The following CHMP1A variants were observed in gnomAD, a reference collection of about 807,000 sequenced individuals.
The protein encoded by CHMP1A is charged multivesicular body protein 1A, also known as VPS46 homolog A.
CHMP1A carries 17 observed loss-of-function variants against 27.0 expected under a neutral mutation model. That is an observed-to-expected ratio of 0.63 (90% confidence interval 0.43 to 0.95). The LOEUF is 0.95. Ranked by LOEUF, CHMP1A falls within the 40% of genes least tolerant of loss-of-function variation. The pLI, the probability that CHMP1A is intolerant of heterozygous loss-of-function variation, is 0.00. For missense variants in CHMP1A, 275 were observed against 264.0 expected (o/e 1.04, Z -0.29); for synonymous variants, 131 against 107.5 (o/e 1.22, Z -1.35).
At chr16:89,647,598 C>T (rs1335527941) in intron 4 of CHMP1A, among the ~76,000 whole-genome samples, 1 of 135,234 alleles carries the variant, frequency 7.4e-6, no homozygotes, top group African/African-American at 2.8e-5. Context: ...AAAAGGCCGC[C>T]GACGTGGAGA....
Position 89,645,872 on chromosome 16 carries a change from G to A in CHMP1A, c.*194C>T, listed in dbSNP as rs762330242. 3.8e-6 allele frequency: 6 copies of A among 1,564,594 alleles called. No homozygotes were observed. The highest frequency in any genetic ancestry group is 1.9e-5 in the Admixed American group (1 of 52,234). On this transcript the variant is annotated 3_prime_UTR_variant, in exon 7 of 7. Transcript: ENST00000397901. ...AGAAATTTGCAGAAACTCAACACCAGGACACAGACCCACCGCCCAACCTAA... is the reference window on the plus strand; with the variant it reads ...AGAAATTTGCAGAAACTCAACACCAAGACACAGACCCACCGCCCAACCTAA...
At chr16:89,653,970 G>A (rs759364358) in intron 1 of CHMP1A, 47 bp from the exon 2 acceptor site, 53 of 1,599,302 alleles carry the variant, frequency 3.3e-5, no homozygotes, top group Admixed American at 5.0e-5. Context: ...GGAATGGGAC[G>A]TTACACTTCT....
intron 1 of CHMP1A, among the ~76,000 whole-genome samples, chr16:89,655,348 A>C (rs1392403908): frequency 1.5e-5 from 2 of 134,398 alleles, no homozygotes; most frequent in African/African-American, 5.9e-5. Context: ...GATGCTGGCC[A>C]AACCGCCCTC....
chr16:89,649,339 C>A lies in CHMP1A; in HGVS notation c.252+12G>T. 1 of 1,609,692 alleles carries A rather than the reference C, an allele frequency of 6.2e-7. No individual in the cohort carries two copies. The highest frequency in any genetic ancestry group is 8.5e-7 in the Non-Finnish European group (1 of 1,176,610). Reference sequence around the variant, plus strand: ...GAACGCCACCCATCCAGCACCAGGGCCCAGCACTCACCCCCTTCATAGTCA... The same window carrying A: ...GAACGCCACCCATCCAGCACCAGGGACCAGCACTCACCCCCTTCATAGTCA... On this transcript the variant is annotated intron_variant, in intron 4 of 6. Transcript: ENST00000397901.
At chr16:89,655,363 TCTCAGCTTTCCCTCAC>T (rs55726612) in intron 1 of CHMP1A, among the ~76,000 whole-genome samples, 60,363 of 120,218 alleles carry the variant, frequency 0.5, 16,046 homozygotes, top group Middle Eastern at 0.72. Context: ...GCCCTCCTCA[TCTCAGCTTTCCCTCAC>T]CTCAGCTTTC....
At position 89,646,650 on chromosome 16, in the gene CHMP1A, A is replaced by C; in HGVS notation, c.446T>G (p.Leu149Arg). The C allele has an allele frequency of 1.2e-6, 2 of 1,610,746 alleles. No homozygotes were observed. The highest frequency in any genetic ancestry group is 2.2e-5 in the South Asian group (2 of 90,320). Residue 149 changes from leucine (L) to arginine (R), a missense_variant, in exon 6 of 7, where the codon CTC becomes CGC. By Grantham distance (102) the Leu-to-Arg change is moderately radical. Coordinates refer to ENST00000397901, the MANE Select transcript of CHMP1A (RefSeq NM_002768.5). The stretch of plus-strand genomic sequence containing the variant: ...ATTCTCCTCGGCGATCTGCATGATG[A>C]GGCTGTCCACCTGCTCCTGCGGCGT... ...LTTPQEQVDS[L>R]IMQIAEENGL...
chr16:89,650,674 C>T (rs1433078805), intron 3 of CHMP1A, among the ~76,000 whole-genome samples: 2 of 151,926 alleles, frequency 1.3e-5, no homozygotes, highest in Non-Finnish European at 2.9e-5. Flanking sequence ...GGTGTGGTGG[C>T]GCATGCTTGT....
intron 4 of CHMP1A, among the ~76,000 whole-genome samples, chr16:89,648,521 C>T (rs1242581028): frequency 6.6e-6 from 1 of 152,222 alleles, no homozygotes; most frequent in Non-Finnish European, 1.5e-5. Context: ...CAAGGCTCTG[C>T]TGTGACGTCC....
intron 2 of CHMP1A, among the ~76,000 whole-genome samples, chr16:89,653,342 C>T (rs1362746174): frequency 6.7e-6 from 1 of 148,338 alleles, no homozygotes; most frequent in East Asian, 2.1e-4. Context: ...CACTCCGGGC[C>T]AGGCACAGTG....
chr16:89,649,287 G>A (rs544629475), intron 4 of CHMP1A, 64 bp downstream of exon 4: 397 of 1,527,128 alleles, frequency 2.6e-4, no homozygotes, highest in African/African-American at 1.3e-3. Context: ...GATCCAGACC[G>A]CAGAGCCCAT....
At chr16:89,649,294 C>G (rs868006488) in intron 4 of CHMP1A, 57 bp downstream of exon 4, 1 of 1,593,036 alleles carries the variant, frequency 6.3e-7, no homozygotes, top group South Asian at 1.1e-5. Context: ...ACCGCAGAGC[C>G]CATTCCTGCT....
chr16:89,653,876 C>G (rs557013909), intron 2 of CHMP1A, 28 bp downstream of exon 2: 1 of 1,611,046 alleles, frequency 6.2e-7, no homozygotes, highest in South Asian at 1.1e-5. Context: ...CAGAACAGGG[C>G]TGGGGTGAAC....
At chr16:89,648,918 G>T (rs1312006250) in intron 4 of CHMP1A, among the ~76,000 whole-genome samples, 2 of 151,598 alleles carry the variant, frequency 1.3e-5, no homozygotes, top group African/African-American at 4.8e-5. Flanking sequence ...TCAGCTACTT[G>T]CGAGGCTGAG....
At chr16:89,654,499 C>G (rs1403970530) in intron 1 of CHMP1A, among the ~76,000 whole-genome samples, 3 of 152,088 alleles carry the variant, frequency 2.0e-5, no homozygotes, top group African/African-American at 7.2e-5. Flanking sequence ...GGTGGTAACT[C>G]TTAGACATCA....
Position 89,647,233 on chromosome 16 carries a change from C to G in CHMP1A, c.351G>C (p.Gln117His). Reference protein sequence around the residue: ...KVSSVMDRFEQQVQNLDVHTS... With the variant: ...KVSSVMDRFEHQVQNLDVHTS... Reference sequence around the variant, plus strand: ...TATGGACGTCCAGGTTCTGCACCTGCTGCTCGAACCTGTCCATCACTGAGG... The same window carrying G: ...TATGGACGTCCAGGTTCTGCACCTGGTGCTCGAACCTGTCCATCACTGAGG... The change falls in exon 5 of 7, where the codon CAG becomes CAC. Residue 117 changes from glutamine to histidine, a missense_variant. Gln to His is a conservative substitution (Grantham distance 24). Transcript: ENST00000397901. 6.2e-7 allele frequency: 1 copy of G among 1,609,096 alleles called. No homozygotes were observed. Among genetic ancestry groups the G allele is most frequent in the South Asian group, 1.1e-5 (1 of 89,958 alleles).
rs758430703 is a variant in CHMP1A at position 89,647,345 on chromosome 16, G to A, written c.253-14C>T. 2 of 1,601,262 alleles carry A rather than the reference G, an allele frequency of 1.2e-6. No homozygotes were observed. Among genetic ancestry groups the A allele is most frequent in the African/African-American group, 2.7e-5 (2 of 74,690 alleles). On this transcript the variant is annotated splice_polypyrimidine_tract_variant and intron_variant, in intron 4 of 6. Coordinates refer to ENST00000397901, the MANE Select transcript of CHMP1A (RefSeq NM_002768.5). ...ATTCTTGGTCACCTGAGACAGGAGAGAGCGCAGGAGGGAACAGGATGAAAG... is the reference window on the plus strand; with the variant it reads ...ATTCTTGGTCACCTGAGACAGGAGAAAGCGCAGGAGGGAACAGGATGAAAG...
At position 89,645,922 on chromosome 16, in the gene CHMP1A, A is replaced by G; in HGVS notation, c.*144T>C. On this transcript the variant is annotated 3_prime_UTR_variant, in exon 7 of 7. Transcript: ENST00000397901. Reference sequence around the variant, plus strand: ...AAAGAACAGGAACAACCCTAAGGCCACGCAGGCCTGGCAGGTGAGAGACGC... The same window carrying G: ...AAAGAACAGGAACAACCCTAAGGCCGCGCAGGCCTGGCAGGTGAGAGACGC... 1 of 1,610,250 alleles carries G rather than the reference A, an allele frequency of 6.2e-7. No homozygotes were observed. Among genetic ancestry groups the G allele is most frequent in the Non-Finnish European group, 8.5e-7 (1 of 1,178,400 alleles).
In CHMP1A at chr16:89,649,000, G is replaced by C. The variant is rs948829801; in HGVS notation, c.252+351C>G. 2.1e-4 allele frequency among the ~76,000 whole-genome samples: 32 copies of C among 151,988 alleles called. No homozygotes were observed. The Middle Eastern group carries it at 0.014, about 65-fold the overall frequency. ...TGACTGCACCACTGCACTCCAGCCT[G>C]GGTGACAGAGCAAGACAGTCTCTAA... On this transcript the variant is annotated intron_variant, in intron 4 of 6. Coordinates refer to ENST00000397901, the MANE Select transcript of CHMP1A (RefSeq NM_002768.5).
At chr16:89,654,882 G>A (rs2151517449) in intron 1 of CHMP1A, among the ~76,000 whole-genome samples, 1 of 152,022 alleles carries the variant, frequency 6.6e-6, no homozygotes, top group African/African-American at 2.4e-5. Context: ...GGCAGAGCTT[G>A]CAGTGAGCCG....
Sources: gnomAD v4.1 joint callset for allele counts (sites outside exome capture counted in the v4.1 genomes callset) on GRCh38, gnomAD v4.1.1 for gene constraint, MANE v1.5 for transcripts, NCBI Gene and HGNC (gene_info 2026-07-23, HGNC 2026-07-21) for gene names.